The following RNF213 variants were observed in gnomAD, a reference collection of about 807,000 sequenced individuals.
The protein encoded by RNF213 is E3 ubiquitin-protein ligase RNF213.
In RNF213, 341 loss-of-function variants were observed where a neutral mutation model predicts 514.4. The ratio of observed to expected loss-of-function variants is 0.66; its 90% CI spans 0.61 to 0.73. RNF213 has a LOEUF of 0.73. Ranked by LOEUF, RNF213 falls within the 30% of genes least tolerant of loss-of-function variation. The probability of loss-of-function intolerance (pLI) is 0.00; values close to 1 mark genes in which losing one functional copy is unlikely to be tolerated. For missense variants in RNF213, 5,767 were observed against 6,615.6 expected, an observed-to-expected ratio of 0.87 and a Z score of 4.45; for synonymous variants, 2,655 against 2,658.2, an observed-to-expected ratio of 1.00 and a Z score of 0.04.
In RNF213 at chr17:80,375,801, G is replaced by A. The variant is rs762937384; in HGVS notation, c.13116G>A (p.Leu4372=). ...AAAGCCAGCAGTCAGCCTACTTCCT[G>A]TTAACACTGTTTAGAGAGGTGGCTA... ...TPQSQQSAYF[L]LTLFREVAIL... Residue 4372 remains leucine, a synonymous_variant, in exon 51 of 68, where the codon CTG becomes CTA. Coordinates refer to ENST00000582970, the MANE Select transcript of RNF213 (RefSeq NM_001256071.3). 1 of 1,614,150 alleles carries A rather than the reference G, an allele frequency of 6.2e-7. No individual in the cohort carries two copies. The highest frequency in any genetic ancestry group is 1.1e-5 in the South Asian group (1 of 91,084).
chr17:80,273,644 A>T (rs111336444), intron 3 of RNF213, among the ~76,000 whole-genome samples: 377 of 116,732 alleles, frequency 3.2e-3, no homozygotes, highest in Middle Eastern at 6.3e-3. Context: ...TTTGAGACAG[A>T]GTTTCGCTCT....
chr17:80,316,765 A>T, intron 15 of RNF213: 1 of 302,448 alleles, frequency 3.3e-6, no homozygotes, highest in Non-Finnish European at 6.5e-6. Flanking sequence ...ATTTGTGCAG[A>T]GTCCGAAGAG....
chr17:80,303,657 A>G (rs1475787059), intron 11 of RNF213, among the ~76,000 whole-genome samples: 1 of 147,038 alleles, frequency 6.8e-6, no homozygotes, highest in Non-Finnish European at 1.5e-5. Flanking sequence ...TTCGCCTCCC[A>G]GGTTCAAGTG....
At chr17:80,314,312 G>A (rs1478118183) in intron 15 of RNF213, among the ~76,000 whole-genome samples, 1 of 61,814 alleles carries the variant, frequency 1.6e-5, no homozygotes, top group African/African-American at 7.3e-5. Flanking sequence ...ACGTGATGGT[G>A]GAGGTAATGG....
At chr17:80,310,838 T>A (rs564866809) in intron 14 of RNF213, among the ~76,000 whole-genome samples, 138 of 152,346 alleles carry the variant, frequency 9.1e-4, no homozygotes, top group African/African-American at 3.3e-3. Flanking sequence ...AGGCATGAGC[T>A]ACTGCACCCG....
intron 11 of RNF213, among the ~76,000 whole-genome samples, 176 bp from the exon 12 acceptor site, chr17:80,306,076 C>G (rs1234073025): frequency 6.6e-6 from 1 of 151,850 alleles, no homozygotes; most frequent in African/African-American, 2.4e-5. Context: ...GTGATCCTCC[C>G]GAGTCAGCCT....
At chr17:80,372,080 A>G in intron 47 of RNF213, 95 bp downstream of exon 47, 1 of 785,116 alleles carries the variant, frequency 1.3e-6, no homozygotes, top group South Asian at 1.4e-5. Flanking sequence ...AGTATAATTA[A>G]CGAATGCTCT....
In RNF213 at chr17:80,381,717, C is replaced by A. The variant is rs1568163816; in HGVS notation, c.13968C>A (p.Leu4656=). 1 of 1,613,554 alleles carries A rather than the reference C, an allele frequency of 6.2e-7. No individual in the cohort carries two copies. ...LRRLLQEQHQ[L]SSRRLLNFDT... ...GGCTTCTCCAAGAGCAGCACCAGCT[C>A]TCTAGCAGAAGTGAGGAAAGGGGCA... is the stretch of plus-strand genomic sequence containing the variant. The change falls in exon 57 of 68, where the codon CTC becomes CTA. Residue 4656 remains leucine (L), a synonymous_variant. Coordinates refer to ENST00000582970, the MANE Select transcript of RNF213 (RefSeq NM_001256071.3).
chr17:80,379,526 G>T, intron 54 of RNF213, 94 bp from the exon 55 acceptor site: 1 of 1,175,592 alleles, frequency 8.5e-7, no homozygotes, highest in Non-Finnish European at 1.3e-6. Context: ...GCTCACGTCT[G>T]CCGGTGATAA....
chr17:80,281,355 T>TCA (rs2044266433), intron 3 of RNF213, among the ~76,000 whole-genome samples: 1 of 50,554 alleles, frequency 2.0e-5, no homozygotes, highest in Non-Finnish European at 3.6e-5. Context: ...CACACCCCAC[T>TCA]CACACACACC....
chr17:80,374,198 C>T (rs1382633939), intron 49 of RNF213, among the ~76,000 whole-genome samples: 2 of 152,170 alleles, frequency 1.3e-5, no homozygotes, highest in African/African-American at 4.8e-5. Context: ...CGGTGCGCCG[C>T]AAACGGAGGA....
intron 46 of RNF213, among the ~76,000 whole-genome samples, chr17:80,370,767 C>T (rs577143392): frequency 3.9e-5 from 6 of 152,312 alleles, no homozygotes; most frequent in East Asian, 3.9e-4. Flanking sequence ...GACCGCCACC[C>T]GTGCTGGGAG....
At chr17:80,363,831 G>C (rs139250788) in intron 41 of RNF213, 41 bp downstream of exon 41, 1 of 1,587,818 alleles carries the variant, frequency 6.3e-7, no homozygotes, top group East Asian at 2.3e-5. Flanking sequence ...CATCTGGCGC[G>C]CGCTCACCAG....
Position 80,378,064 on chromosome 17 carries a change from G to A in RNF213, c.13545+268G>A, listed in dbSNP as rs528499776. On this transcript the variant is annotated intron_variant, in intron 54 of 67. Transcript: ENST00000582970. ...GCTGTCTGGCAGTATGCCTGACCTC[G>A]AGTCCCTGGATGCCAGGAGCACCCA... 1.1e-4 allele frequency among the ~76,000 whole-genome samples: 17 copies of A among 152,310 alleles called. No individual in the cohort carries two copies. The South Asian group carries it at 1.9e-3, about 17-fold the overall frequency.
intron 25 of RNF213, among the ~76,000 whole-genome samples, chr17:80,338,506 G>A (rs1426687667): frequency 1.3e-5 from 2 of 152,018 alleles, no homozygotes; most frequent in African/African-American, 4.8e-5. Context: ...TATCTCTGCT[G>A]GGTGCAGTGG....
chr17:80,288,722 A>G lies in RNF213; in HGVS notation c.900A>G (p.Pro300=). 1.2e-6 allele frequency: 2 copies of G among 1,614,220 alleles called. No homozygotes were observed. The highest frequency in any genetic ancestry group is 1.7e-6 in the Non-Finnish European group (2 of 1,180,048). ...KEKTQRMKQP[P]ATTPPFKTHC... Reference sequence around the variant, plus strand: ...AGACCCAGAGAATGAAACAGCCACCAGCAACCACTCCTCCTTTCAAAACAC... The same window carrying G: ...AGACCCAGAGAATGAAACAGCCACCGGCAACCACTCCTCCTTTCAAAACAC... The change falls in exon 5 of 68, where the codon CCA becomes CCG. Residue 300 remains proline, a synonymous_variant. Transcript: ENST00000582970. This position sits in a 1 kb window ranked among gnomAD's most constrained non-coding sequence, Gnocchi z 4.9.
chr17:80,293,968 G>A (rs2044841122), intron 8 of RNF213, among the ~76,000 whole-genome samples: 1 of 152,068 alleles, frequency 6.6e-6, no homozygotes, highest in Non-Finnish European at 1.5e-5. Context: ...GGGCCTGCCA[G>A]TCTAGACAAC....
chr17:80,268,126 T>TA (rs1309037061), intron 2 of RNF213, among the ~76,000 whole-genome samples: 1 of 152,104 alleles, frequency 6.6e-6, no homozygotes, highest in Non-Finnish European at 1.5e-5. Context: ...TGGCCAATTT[T>TA]ATTCTTTTTT....
At position 80,375,794 on chromosome 17, in the gene RNF213, A is replaced by G. The variant is rs750539160; in HGVS notation, c.13109A>G (p.Tyr4370Cys). 23 of 1,614,034 alleles carry G rather than the reference A, an allele frequency of 1.4e-5. No homozygotes were observed. The highest frequency in any genetic ancestry group is 2.7e-5 in the African/African-American group (2 of 74,936). The change falls in exon 51 of 68, where the codon TAC becomes TGC. Residue 4370 changes from tyrosine (Y) to cysteine (C), a missense_variant. Tyr to Cys is a radical substitution (Grantham distance 194, BLOSUM62 -2). Transcript: ENST00000582970. ...CKTPQSQQSA[Y>C]FLLTLFREVA... is the part of the protein sequence containing the mutation. ...ACCCCCCAAAGCCAGCAGTCAGCCTACTTCCTGTTAACACTGTTTAGAGAG... is the reference window on the plus strand; with the variant it reads ...ACCCCCCAAAGCCAGCAGTCAGCCTGCTTCCTGTTAACACTGTTTAGAGAG...
Sources: gnomAD v4.1 joint callset for allele counts (sites outside exome capture counted in the v4.1 genomes callset) on GRCh38, gnomAD v4.1.1 for gene constraint, Gnocchi (gnomAD v3.1) non-coding constraint, MANE v1.5 for transcripts, NCBI Gene and HGNC (gene_info 2026-07-23, HGNC 2026-07-21) for gene names.